Variants in LYAR observed in about 807,000 individuals in gnomAD.
LYAR encodes the protein Ly1 antibody reactive.
A neutral mutation model predicts 45.2 loss-of-function variants in LYAR; 37 were observed. The observed-to-expected ratio is 0.82, with a 90% CI of 0.63 to 1.08. The LOEUF (loss-of-function observed/expected upper bound fraction) is 1.08, where lower values mean the gene tolerates loss of function less well. Among genes scored for constraint, LYAR ranks in the 50% least tolerant of loss-of-function variants. The probability of loss-of-function intolerance (pLI) is 0.00; values close to 1 mark genes in which losing one functional copy is unlikely to be tolerated. For synonymous variants in LYAR, 176 were observed against 155.1 expected (o/e 1.14, Z -1.00); for missense variants, 493 against 451.0 (o/e 1.09, Z -0.84).
intron 1 of LYAR, among the ~76,000 whole-genome samples, chr4:4,287,435 G>C (rs1719661300): frequency 6.6e-6 from 1 of 152,156 alleles, no homozygotes; most frequent in Non-Finnish European, 1.5e-5. Context: ...CTGTCTGTAT[G>C]GTCAGTTTAC....
chr4:4,272,615 T>C (rs1195069259), intron 8 of LYAR, among the ~76,000 whole-genome samples: 1 of 152,202 alleles, frequency 6.6e-6, no homozygotes, highest in African/African-American at 2.4e-5. Context: ...CTCACCCTTC[T>C]TGTGGTGAAG....
Position 4,268,150 on chromosome 4 carries a change from G to A in LYAR, c.1006-127C>T, listed in dbSNP as rs932872720. ...AAACCCAGGAGCAAGCGACACCGGC[G>A]TGCTCTCCTTGGAAAACCCAGGCGG... On this transcript the variant is annotated intron_variant, in intron 9 of 9. Transcript: ENST00000343470. The A allele has an allele frequency of 1.3e-5, 11 of 862,738 alleles. No homozygotes were observed. In the Admixed American group the frequency reaches 1.5e-4, roughly 12 times the overall value. 53.4% of individuals were successfully genotyped at this position (862,738 alleles called of 1,614,324 possible). A position where few individuals can be genotyped will look rare whatever the true frequency, so the allele number is the denominator to read the frequency against.
Position 4,283,683 on chromosome 4 carries a change from C to T in LYAR, c.60G>A (p.Lys20=), listed in dbSNP as rs1291618594. 2 of 1,612,882 alleles carry T rather than the reference C, an allele frequency of 1.2e-6. No individual in the cohort carries two copies. Among genetic ancestry groups the T allele is most frequent in the Admixed American group, 1.7e-5 (1 of 60,012 alleles). Residue 20 remains lysine, a synonymous_variant, in exon 3 of 10, where the codon AAG becomes AAA. Coordinates refer to ENST00000343470, the MANE Select transcript of LYAR (RefSeq NM_017816.3). ...CACAGTTTCTGCAAACAGACACATG[C>T]TTTTCCACTTGTATTTTCTTCACTG... ...GESVKKIQVE[K]HVSVCRNCEC...
chr4:4,270,268 T>TTAA (rs1553859117), intron 8 of LYAR, among the ~76,000 whole-genome samples: 16 of 121,978 alleles, frequency 1.3e-4, no homozygotes, highest in African/African-American at 4.7e-4. Context: ...TGTTGATTTG[T>TTAA]AAAAAAAAAA....
At position 4,278,916 on chromosome 4, in the gene LYAR, C is replaced by T. The variant is rs889257057; in HGVS notation, c.429+531G>A. Among the ~76,000 whole-genome samples the T allele has an allele frequency of 2.5e-4, 38 of 152,198 alleles. 1 individual carries two copies. Among genetic ancestry groups the T allele is most frequent in the African/African-American group, 8.9e-4 (37 of 41,446 alleles). ...ACTAAGCAAATCATTACATACTGGGCTGGCACCAGCATCAAACATTGGGAT... is the reference window on the plus strand; with the variant it reads ...ACTAAGCAAATCATTACATACTGGGTTGGCACCAGCATCAAACATTGGGAT... On this transcript the variant is annotated intron_variant, in intron 6 of 9. Transcript: ENST00000343470.
intron 3 of LYAR, 78 bp from the exon 4 acceptor site, chr4:4,281,975 T>A (rs1466195182): frequency 9.5e-6 from 8 of 844,296 alleles, no homozygotes; most frequent in Non-Finnish European, 1.2e-5. Flanking sequence ...TGCCACTATC[T>A]TCTGTGGTCT....
intron 8 of LYAR, among the ~76,000 whole-genome samples, chr4:4,272,453 T>G (rs142806882): frequency 2.8e-3 from 431 of 152,316 alleles, no homozygotes; most frequent in African/African-American, 0.01. Flanking sequence ...AAATATTCAT[T>G]CATGCCTATG....
chr4:4,288,922 C>G (rs1719737317), intron 1 of LYAR, among the ~76,000 whole-genome samples: 1 of 152,250 alleles, frequency 6.6e-6, no homozygotes. Context: ...CACTGTGACC[C>G]TGAGCATGCC....
chr4:4,284,986 G>C (rs1175626896), intron 2 of LYAR, among the ~76,000 whole-genome samples: 8 of 152,108 alleles, frequency 5.3e-5, no homozygotes, highest in African/African-American at 1.9e-4. Flanking sequence ...TTGGATCACT[G>C]CCAGTGAGGC....
At chr4:4,268,668 A>T (rs1718807999) in intron 8 of LYAR, 53 bp from the exon 9 acceptor site, 1 of 1,243,438 alleles carries the variant, frequency 8.0e-7, no homozygotes, top group African/African-American at 1.5e-5. Flanking sequence ...TACTACGAGA[A>T]GGGTAAAGAA....
At chr4:4,286,886 C>T (rs1012889321) in intron 1 of LYAR, among the ~76,000 whole-genome samples, 13 of 136,206 alleles carry the variant, frequency 9.5e-5, no homozygotes, top group Admixed American at 3.7e-4. Flanking sequence ...CTCCTGACCT[C>T]GTGATCCGCC....
At chr4:4,273,332 T>C (rs1719017699) in intron 8 of LYAR, among the ~76,000 whole-genome samples, 1 of 152,220 alleles carries the variant, frequency 6.6e-6, no homozygotes, top group Admixed American at 6.5e-5. Flanking sequence ...CTACTAGAAG[T>C]GCCCACATTA....
chr4:4,272,797 C>T (rs1243113624), intron 8 of LYAR, among the ~76,000 whole-genome samples: 2 of 152,188 alleles, frequency 1.3e-5, no homozygotes, highest in Non-Finnish European at 2.9e-5. Context: ...CCAATGCTGG[C>T]AGTCACTGAA....
At chr4:4,270,947 A>T (rs910772354) in intron 8 of LYAR, among the ~76,000 whole-genome samples, 1 of 152,190 alleles carries the variant, frequency 6.6e-6, no homozygotes, top group African/African-American at 2.4e-5. Context: ...ACAGACATGC[A>T]ATGTATGATA....
chr4:4,274,918 C>T (rs1315643769), intron 6 of LYAR, 149 bp from the exon 7 acceptor site: 4 of 691,486 alleles, frequency 5.8e-6, no homozygotes, highest in East Asian at 5.5e-5. Context: ...CCCCCACCAA[C>T]AGCTAAAATG....
chr4:4,269,244 A>G (rs1310667584), intron 8 of LYAR, among the ~76,000 whole-genome samples: 1 of 152,242 alleles, frequency 6.6e-6, no homozygotes, highest in African/African-American at 2.4e-5. Context: ...GAACACCAAC[A>G]GCACAGACAA....
intron 2 of LYAR, among the ~76,000 whole-genome samples, chr4:4,284,359 AG>A (rs1323458636): frequency 1.3e-5 from 2 of 152,154 alleles, no homozygotes; most frequent in African/African-American, 2.4e-5. Flanking sequence ...TAGAAAGTGA[AG>A]AAGAGGCAAT....
chr4:4,287,241 T>C (rs1719654142), intron 1 of LYAR, among the ~76,000 whole-genome samples: 1 of 152,148 alleles, frequency 6.6e-6, no homozygotes, highest in South Asian at 2.1e-4. Flanking sequence ...ATGCGCATGT[T>C]AAAAGAGAAA....
At chr4:4,288,354 C>T (rs1719696638) in intron 1 of LYAR, among the ~76,000 whole-genome samples, 1 of 152,206 alleles carries the variant, frequency 6.6e-6, no homozygotes, top group African/African-American at 2.4e-5. Context: ...CCTTCTCTGG[C>T]TCCTCACCCC....
Sources: allele counts gnomAD v4.1 joint callset (sites outside exome capture counted in the v4.1 genomes callset), GRCh38; gene constraint gnomAD v4.1.1; transcripts MANE v1.5; gene names NCBI Gene and HGNC (gene_info 2026-07-23, HGNC 2026-07-21).